Variants in BMPR1B observed in about 807,000 individuals in gnomAD.
The protein encoded by BMPR1B is bone morphogenetic protein receptor type-1B.
BMPR1B carries 12 observed loss-of-function variants against 59.1 expected under a neutral mutation model. The observed-to-expected ratio is 0.20, with a 90% CI of 0.13 to 0.33. The LOEUF is 0.33. Among genes scored for constraint, BMPR1B ranks in the 10% least tolerant of loss-of-function variants. The probability of loss-of-function intolerance (pLI) is 1.00; values close to 1 mark genes in which losing one functional copy is unlikely to be tolerated. For missense variants in BMPR1B, 550 were observed against 610.9 expected (o/e 0.90, Z 1.05); for synonymous variants, 237 against 207.3 (o/e 1.14, Z -1.23).
At chr4:95,080,459 C>T (rs1560637581) in intron 3 of BMPR1B, among the ~76,000 whole-genome samples, 1 of 152,156 alleles carries the variant, frequency 6.6e-6, no homozygotes, top group African/African-American at 2.4e-5. Context: ...TGGTCTCAAA[C>T]TCCTGACCTT....
intron 1 of BMPR1B, among the ~76,000 whole-genome samples, chr4:94,780,014 A>G (rs1578634332): frequency 6.6e-6 from 1 of 152,128 alleles, no homozygotes; most frequent in East Asian, 1.9e-4. Flanking sequence ...TTGATTTCAT[A>G]ATGTTAAATT....
chr4:94,797,975 G>A (rs1267449426), intron 1 of BMPR1B, among the ~76,000 whole-genome samples: 2 of 152,128 alleles, frequency 1.3e-5, no homozygotes, highest in Non-Finnish European at 2.9e-5. Flanking sequence ...ATAGCTTACG[G>A]CATATAATGC....
chr4:95,052,419 G>A (rs901131723), intron 3 of BMPR1B, among the ~76,000 whole-genome samples: 1 of 152,100 alleles, frequency 6.6e-6, no homozygotes, highest in African/African-American at 2.4e-5. Context: ...TTTCAAATGA[G>A]AAAAAAGCTA....
At chr4:94,872,441 T>C (rs993525773) in intron 1 of BMPR1B, among the ~76,000 whole-genome samples, 2 of 152,218 alleles carry the variant, frequency 1.3e-5, no homozygotes, top group African/African-American at 2.4e-5. Flanking sequence ...GTTTGAAATA[T>C]AAATTTTGAA....
chr4:94,767,562 A>C (rs1269892977), intron 1 of BMPR1B, among the ~76,000 whole-genome samples: 2 of 152,130 alleles, frequency 1.3e-5, no homozygotes, highest in African/African-American at 2.4e-5. Flanking sequence ...CACTCCTTTA[A>C]ATACTTATCG....
chr4:94,797,488 T>C (rs759987861), intron 1 of BMPR1B, among the ~76,000 whole-genome samples: 9 of 152,212 alleles, frequency 5.9e-5, no homozygotes, highest in Non-Finnish European at 1.0e-4. Flanking sequence ...GAAGGTGTTG[T>C]AGAAAAAACG....
chr4:95,063,440 G>T (rs1727557303), intron 3 of BMPR1B, among the ~76,000 whole-genome samples: 1 of 151,942 alleles, frequency 6.6e-6, no homozygotes, highest in South Asian at 2.1e-4. Flanking sequence ...ATAGGTGCAG[G>T]AGCTTTTATT....
intron 2 of BMPR1B, among the ~76,000 whole-genome samples, chr4:94,944,975 A>G (rs1220548824): frequency 3.3e-5 from 5 of 152,190 alleles, no homozygotes; most frequent in African/African-American, 9.7e-5. Flanking sequence ...TCAGCTCTAT[A>G]CAAGTGATGG....
chr4:94,773,551 A>C (rs1254752383), intron 1 of BMPR1B, among the ~76,000 whole-genome samples: 1 of 152,124 alleles, frequency 6.6e-6, no homozygotes, highest in African/African-American at 2.4e-5. Flanking sequence ...GCCACAATAA[A>C]TACTGTATTC....
At chr4:95,137,939 T>G (rs528430164) in intron 10 of BMPR1B, among the ~76,000 whole-genome samples, 1 of 152,292 alleles carries the variant, frequency 6.6e-6, no homozygotes, top group Admixed American at 6.5e-5. Context: ...GTGAGTTTGA[T>G]CCTGTCATTA....
Position 95,054,171 on chromosome 4 carries a change from A to T in BMPR1B, c.-17-50237A>T, listed in dbSNP as rs545467487. Among the ~76,000 whole-genome samples, 14 of 152,318 alleles carry T rather than the reference A, an allele frequency of 9.2e-5. No individual in the cohort carries two copies. In the South Asian group the frequency reaches 2.1e-3, roughly 23 times the overall value. On this transcript the variant is annotated intron_variant, in intron 3 of 12. Coordinates refer to ENST00000515059, the MANE Select transcript of BMPR1B (RefSeq NM_001203.3). ...TATTTTGTTAAATATATGGAAACCT[A>T]AAAGATTTATATGAAGGAATATGTG...
chr4:94,819,838 G>A (rs1724142126), intron 1 of BMPR1B, among the ~76,000 whole-genome samples: 1 of 152,170 alleles, frequency 6.6e-6, no homozygotes, highest in South Asian at 2.1e-4. Flanking sequence ...TAGTACCTTC[G>A]TAGTGGAACA....
intron 1 of BMPR1B, among the ~76,000 whole-genome samples, chr4:94,814,807 C>G (rs1400891630): frequency 2.0e-5 from 3 of 152,046 alleles, no homozygotes; most frequent in African/African-American, 7.2e-5. Context: ...GATATATTTA[C>G]CACACAAAAT....
At chr4:95,133,973 AC>A (rs745936287) in intron 10 of BMPR1B, among the ~76,000 whole-genome samples, 4 of 151,728 alleles carry the variant, frequency 2.6e-5, no homozygotes, top group Non-Finnish European at 5.9e-5. Context: ...GGTGTGATGC[AC>A]CCATTAACTT....
intron 1 of BMPR1B, among the ~76,000 whole-genome samples, chr4:94,761,417 G>C (rs1316447779): frequency 5.0e-5 from 1 of 19,928 alleles, no homozygotes; most frequent in Non-Finnish European, 9.0e-5. Flanking sequence ...GTATAATTCT[G>C]TGTGTGTGTG....
At chr4:95,068,307 C>T (rs925200457) in intron 3 of BMPR1B, among the ~76,000 whole-genome samples, 13 of 152,136 alleles carry the variant, frequency 8.5e-5, no homozygotes, top group Admixed American at 6.6e-5. Context: ...CTTAGCTTTT[C>T]CTTGTCTCTC....
intron 3 of BMPR1B, among the ~76,000 whole-genome samples, chr4:95,024,155 A>T (rs917033289): frequency 6.6e-6 from 1 of 152,238 alleles, no homozygotes; most frequent in Non-Finnish European, 1.5e-5. Flanking sequence ...AGCTACTTGA[A>T]TAAGGGTGAT....
chr4:94,975,088 G>T (rs1296275842), intron 2 of BMPR1B, among the ~76,000 whole-genome samples: 2 of 152,140 alleles, frequency 1.3e-5, no homozygotes, highest in African/African-American at 4.8e-5. Flanking sequence ...GCCACAAAAG[G>T]TATTGGGCTA....
At chr4:94,787,121 GC>G in intron 1 of BMPR1B, among the ~76,000 whole-genome samples, 1 of 152,288 alleles carries the variant, frequency 6.6e-6, no homozygotes. Flanking sequence ...GAGACCAGTT[GC>G]CGCCTAGTCT....
Sources: gnomAD v4.1 joint callset for allele counts (sites outside exome capture counted in the v4.1 genomes callset) on GRCh38, gnomAD v4.1.1 for gene constraint, MANE v1.5 for transcripts, NCBI Gene and HGNC (gene_info 2026-07-23, HGNC 2026-07-21) for gene names.